Variants in DPP10 observed in about 807,000 individuals in gnomAD.
DPP10 encodes the protein inactive dipeptidyl peptidase 10.
A neutral mutation model predicts 120.9 loss-of-function variants in DPP10; 33 were observed. The observed-to-expected ratio is 0.27, with a 90% CI of 0.21 to 0.37. The LOEUF (loss-of-function observed/expected upper bound fraction) is 0.37, where lower values mean the gene tolerates loss of function less well. Among genes scored for constraint, DPP10 ranks in the 10% least tolerant of loss-of-function variants. The pLI, the probability that DPP10 is intolerant of heterozygous loss-of-function variation, is 1.00. For missense variants in DPP10, 816 were observed against 942.8 expected, an observed-to-expected ratio of 0.87 and a Z score of 1.76; for synonymous variants, 337 against 326.1, an observed-to-expected ratio of 1.03 and a Z score of -0.36.
chr2:115,597,926 T>C (rs2083086220), intron 5 of DPP10, among the ~76,000 whole-genome samples: 2 of 152,146 alleles, frequency 1.3e-5, no homozygotes, highest in African/African-American at 4.8e-5. Context: ...ATCTTTCAGA[T>C]TTTTGAAAAT....
intron 3 of DPP10, among the ~76,000 whole-genome samples, chr2:115,459,580 A>G (rs1021083464): frequency 1.3e-5 from 2 of 152,058 alleles, no homozygotes; most frequent in African/African-American, 4.8e-5. Flanking sequence ...TGATACATAA[A>G]ATATATACTC....
At chr2:115,620,357 T>G (rs1161649609) in intron 5 of DPP10, among the ~76,000 whole-genome samples, 1 of 152,260 alleles carries the variant, frequency 6.6e-6, no homozygotes, top group African/African-American at 2.4e-5. Context: ...AGCTGTCATC[T>G]TCTAGTTTCC....
chr2:115,183,680 T>G (rs1444164662), intron 1 of DPP10, among the ~76,000 whole-genome samples: 1 of 152,196 alleles, frequency 6.6e-6, no homozygotes, highest in Non-Finnish European at 1.5e-5. Flanking sequence ...AAAGGTATGC[T>G]AGGCTAGCAA....
At chr2:115,538,242 G>A (rs915292147) in intron 5 of DPP10, among the ~76,000 whole-genome samples, 8 of 151,978 alleles carry the variant, frequency 5.3e-5, no homozygotes, top group African/African-American at 1.9e-4. Flanking sequence ...AATCACGATA[G>A]AGTTCTGAAT....
At chr2:114,870,868 C>A (rs1690637262) in intron 1 of DPP10, among the ~76,000 whole-genome samples, 1 of 136,130 alleles carries the variant, frequency 7.3e-6, no homozygotes, top group South Asian at 2.3e-4. Flanking sequence ...GATAGCTTAG[C>A]AAGCTTAGCT....
intron 1 of DPP10, among the ~76,000 whole-genome samples, chr2:114,970,032 C>G (rs1004966801): frequency 6.6e-6 from 1 of 152,054 alleles, no homozygotes; most frequent in Non-Finnish European, 1.5e-5. Flanking sequence ...ACCCTTTATC[C>G]TACCCTAGGT....
At chr2:115,766,122 C>T (rs1680677467) in intron 12 of DPP10, among the ~76,000 whole-genome samples, 1 of 151,538 alleles carries the variant, frequency 6.6e-6, no homozygotes, top group South Asian at 2.1e-4. Flanking sequence ...CCCTATGGGG[C>T]TTACATTACA....
At chr2:115,743,123 TG>T (rs1249948111) in intron 9 of DPP10, among the ~76,000 whole-genome samples, 2 of 151,914 alleles carry the variant, frequency 1.3e-5, no homozygotes, top group Non-Finnish European at 2.9e-5. Flanking sequence ...GCAGTCTTCA[TG>T]GCAAATGTAA....
chr2:114,551,716 T>C (rs1174382279), intron 1 of DPP10, among the ~76,000 whole-genome samples: 1 of 152,196 alleles, frequency 6.6e-6, no homozygotes. Flanking sequence ...GCTTTACTCC[T>C]GAACTGAGTA....
intron 1 of DPP10, among the ~76,000 whole-genome samples, chr2:114,950,469 A>ATT (rs35353548): frequency 1.7e-4 from 24 of 145,268 alleles, no homozygotes; most frequent in South Asian, 1.3e-3. Flanking sequence ...TAATTTTTTT[A>ATT]TTTTTTTTTT....
intron 3 of DPP10, among the ~76,000 whole-genome samples, chr2:115,447,327 C>T (rs772388245): frequency 9.2e-5 from 14 of 152,174 alleles, no homozygotes; most frequent in African/African-American, 2.4e-4. Flanking sequence ...TGCTCATAGG[C>T]GGAAGGGACT....
intron 3 of DPP10, among the ~76,000 whole-genome samples, chr2:115,345,988 C>G (rs1464224522): frequency 6.6e-6 from 1 of 152,086 alleles, no homozygotes; most frequent in Non-Finnish European, 1.5e-5. Flanking sequence ...AAAGACAACT[C>G]TTTAAATTGG....
At chr2:114,884,613 A>G (rs894044952) in intron 1 of DPP10, among the ~76,000 whole-genome samples, 4 of 151,928 alleles carry the variant, frequency 2.6e-5, no homozygotes, top group Non-Finnish European at 5.9e-5. Context: ...GGTTATATGA[A>G]TATGTTCTTT....
intron 1 of DPP10, among the ~76,000 whole-genome samples, chr2:115,145,547 A>G (rs1003079686): frequency 2.0e-5 from 3 of 152,208 alleles, no homozygotes; most frequent in Admixed American, 2.0e-4. Context: ...TCATCCATTC[A>G]TCTCCTGAAG....
intron 1 of DPP10, among the ~76,000 whole-genome samples, chr2:115,187,184 C>T (rs2054522572): frequency 6.7e-6 from 1 of 149,752 alleles, no homozygotes; most frequent in African/African-American, 2.5e-5. Context: ...CTACAGGCGC[C>T]CGCCACCACG....
chr2:115,014,257 C>T (rs1436601507), intron 1 of DPP10, among the ~76,000 whole-genome samples: 6 of 152,060 alleles, frequency 3.9e-5, no homozygotes, highest in South Asian at 2.1e-4. Flanking sequence ...GGGTAATTAA[C>T]GAAATTAAGG....
chr2:115,440,765 T>C (rs1025456708), intron 3 of DPP10: 5 of 152,316 alleles, frequency 3.3e-5, no homozygotes, highest in African/African-American at 1.2e-4. Flanking sequence ...CGGTACCAGG[T>C]GCAAGGCTCT....
At chr2:114,547,797 G>A (rs1687539745) in intron 1 of DPP10, among the ~76,000 whole-genome samples, 2 of 152,306 alleles carry the variant, frequency 1.3e-5, no homozygotes, top group African/African-American at 2.4e-5. Context: ...AGAACTTCAA[G>A]GTTGCTGAAC....
chr2:115,057,530 T>C (rs1706023893), intron 1 of DPP10, among the ~76,000 whole-genome samples: 1 of 152,218 alleles, frequency 6.6e-6, no homozygotes, highest in Non-Finnish European at 1.5e-5. Context: ...AGTGGATTGC[T>C]AAGATGGTGA....
Sources: allele counts gnomAD v4.1 joint callset (sites outside exome capture counted in the v4.1 genomes callset), GRCh38; gene constraint gnomAD v4.1.1; transcripts MANE v1.5; gene names NCBI Gene and HGNC (gene_info 2026-07-23, HGNC 2026-07-21).